MYH11: variants seen among roughly 807,000 people sequenced by gnomAD.
MYH11 encodes myosin heavy chain 11.
Under a neutral mutation model 246.6 loss-of-function variants are expected in MYH11, and 80 were observed. The observed-to-expected ratio is 0.32, with a 90% confidence interval of 0.27 to 0.39. The LOEUF (loss-of-function observed/expected upper bound fraction) is 0.39, where lower values mean the gene tolerates loss of function less well. Ranked by LOEUF, MYH11 falls within the 10% of genes least tolerant of loss-of-function variation. The pLI is 1.00. For missense variants in MYH11, 2,158 were observed against 2,546.8 expected (o/e 0.85, Z 3.29); for synonymous variants, 1,071 against 1,015.5 (o/e 1.05, Z -1.04).
At chr16:15,731,839 G>A (rs1209844000) in intron 27 of MYH11, among the ~76,000 whole-genome samples, 4 of 152,032 alleles carry the variant, frequency 2.6e-5, no homozygotes, top group Admixed American at 6.6e-5. Context: ...GTCCAGGCTA[G>A]AGTGCAGTGG....
At chr16:15,834,520 C>T (rs77248292) in intron 2 of MYH11, among the ~76,000 whole-genome samples, 3,838 of 149,892 alleles carry the variant, frequency 0.026, 166 homozygotes, top group African/African-American at 0.089. Context: ...AAGTGAAATT[C>T]CATCTCAAAA....
At position 15,756,462 on chromosome 16, in the gene MYH11, T is replaced by C. The variant is rs2151272970; in HGVS notation, c.1628A>G (p.Lys543Arg). Residue 543 changes from lysine to arginine, a missense_variant, in exon 14 of 41, where the codon AAA becomes AGA. Physicochemically the swap from Lys to Arg is conservative, Grantham distance 26. Coordinates refer to ENST00000300036, the MANE Select transcript of MYH11 (RefSeq NM_002474.3). ...ALLDEECWFP[K>R]ATDKSFVEKL... The stretch of plus-strand genomic sequence containing the variant: ...CTCCACGAAAGACTTGTCCGTGGCT[T>C]TGGGGAACCAGCATTCCTCGTCCAG... 3 of 1,614,154 alleles carry C rather than the reference T, an allele frequency of 1.9e-6. No homozygotes were observed. Among genetic ancestry groups the C allele is most frequent in the Admixed American group, 1.7e-5 (1 of 60,014 alleles).
intron 28 of MYH11, chr16:15,726,603 G>T (rs535306189): frequency 3.4e-6 from 2 of 583,332 alleles, no homozygotes; most frequent in African/African-American, 3.7e-5. Flanking sequence ...CCTGACCTCA[G>T]GTGATCCACC....
intron 1 of MYH11, among the ~76,000 whole-genome samples, chr16:15,852,579 C>T (rs984780888): frequency 3.4e-4 from 51 of 151,950 alleles, no homozygotes; most frequent in African/African-American, 1.1e-3. Flanking sequence ...CCTCAGGTGA[C>T]CCACCTGCTG....
At chr16:15,852,048 G>C (rs1384641571) in intron 1 of MYH11, among the ~76,000 whole-genome samples, 1 of 152,158 alleles carries the variant, frequency 6.6e-6, no homozygotes, top group Admixed American at 6.5e-5. Flanking sequence ...GGGGACGGTG[G>C]GTGAGTGACC....
intron 8 of MYH11, among the ~76,000 whole-genome samples, chr16:15,772,793 T>C (rs1366421136): frequency 6.6e-6 from 1 of 152,156 alleles, no homozygotes; most frequent in African/African-American, 2.4e-5. Flanking sequence ...CTTGCATCAC[T>C]GTCTGAGCTC....
chr16:15,790,336 AG>A (rs1567177239), intron 4 of MYH11, among the ~76,000 whole-genome samples: 171 of 146,284 alleles, frequency 1.2e-3, no homozygotes, highest in African/African-American at 3.9e-3. Flanking sequence ...ACAAACAGAC[AG>A]ACAAAAAAAA....
intron 4 of MYH11, among the ~76,000 whole-genome samples, chr16:15,796,419 G>A (rs552924944): frequency 2.0e-5 from 3 of 152,240 alleles, no homozygotes; most frequent in African/African-American, 4.8e-5. Context: ...CAAGTGACCC[G>A]TGCATAGCTA....
Position 15,737,766 on chromosome 16 carries a change from C to T in MYH11, c.3122-146G>A, listed in dbSNP as rs1596757190. 3 of 784,530 alleles carry T rather than the reference C, an allele frequency of 3.8e-6. No homozygotes were observed. In the East Asian group the frequency reaches 8.0e-5, roughly 21 times the overall value. 48.6% of individuals were successfully genotyped at this position (784,530 alleles called of 1,614,324 possible). ...ATAGTCACGGTCTGGACCATTATCT[C>T]CCGATGAACAGCACCTTATATTGTC... On this transcript the variant is annotated intron_variant, in intron 24 of 40. Coordinates refer to ENST00000300036, the MANE Select transcript of MYH11 (RefSeq NM_002474.3).
chr16:15,784,828 C>G, intron 5 of MYH11: 1 of 1,186,114 alleles, frequency 8.4e-7, no homozygotes, highest in South Asian at 1.3e-5. Flanking sequence ...CCTGGAGTCT[C>G]CCAGACAGAC....
At chr16:15,854,505 T>C (rs936489685) in intron 1 of MYH11, among the ~76,000 whole-genome samples, 1 of 152,186 alleles carries the variant, frequency 6.6e-6, no homozygotes, top group African/African-American at 2.4e-5. Flanking sequence ...CCAGTTAGAA[T>C]AACAGTATCT....
chr16:15,804,457 G>A (rs1334268832), intron 3 of MYH11, among the ~76,000 whole-genome samples: 1 of 152,168 alleles, frequency 6.6e-6, no homozygotes, highest in East Asian at 1.9e-4. Context: ...GGGAGGTGGA[G>A]TTTGCAGTGA....
intron 4 of MYH11, among the ~76,000 whole-genome samples, chr16:15,792,917 T>C (rs958099113): frequency 1.3e-5 from 2 of 152,126 alleles, no homozygotes; most frequent in Non-Finnish European, 2.9e-5. Flanking sequence ...TTTGTTTTTG[T>C]AGAGAGGGGG....
intron 4 of MYH11, 142 bp from the exon 5 acceptor site, chr16:15,786,874 C>T: frequency 1.2e-6 from 1 of 810,710 alleles, no homozygotes; most frequent in Non-Finnish European, 2.1e-6. Context: ...AGTAACTTGC[C>T]CAAGGCCACA....
chr16:15,713,689 G>A (rs956232295), intron 40 of MYH11: 1 of 152,190 alleles, frequency 6.6e-6, no homozygotes, highest in African/African-American at 2.4e-5. Context: ...GTAGAGATGG[G>A]GTCTTGCTGC....
chr16:15,794,964 T>C (rs2042708908), intron 4 of MYH11, among the ~76,000 whole-genome samples: 2 of 152,096 alleles, frequency 1.3e-5, no homozygotes, highest in Non-Finnish European at 2.9e-5. Flanking sequence ...CAGGAAACCA[T>C]TTCACGAGGG....
At chr16:15,708,743 T>C in intron 40 of MYH11, 1 of 1,556,904 alleles carries the variant, frequency 6.4e-7, no homozygotes, top group Non-Finnish European at 8.7e-7. Flanking sequence ...AGGGGCGCAT[T>C]GGGCAGAAAA....
intron 2 of MYH11, among the ~76,000 whole-genome samples, chr16:15,831,464 G>GGTGTGTGTGT (rs59352444): frequency 0.06 from 8,744 of 145,558 alleles, 519 homozygotes; most frequent in African/African-American, 0.16. Flanking sequence ...TTATGTTTGG[G>GGTGTGTGTGT]GTGTGTGTGT....
At position 15,786,820 on chromosome 16, in the gene MYH11, C is replaced by T. The variant is rs141837518; in HGVS notation, c.531-88G>A. The T allele has an allele frequency of 2.3e-4, 273 of 1,183,830 alleles. 4 individuals are homozygous for T. The East Asian group carries it at 6.0e-3, about 26-fold the overall frequency. 73.3% of individuals were successfully genotyped at this position (1,183,830 alleles called of 1,614,324 possible). ...AGCCAGGCAGGACAATAATGATCAT[C>T]ACCACCATTTCCCAGAGGGTGAAAC... is the stretch of plus-strand genomic sequence containing the variant. On this transcript the variant is annotated intron_variant, in intron 4 of 40. Transcript: ENST00000300036.
Sources: allele counts gnomAD v4.1 joint callset (sites outside exome capture counted in the v4.1 genomes callset), GRCh38; gene constraint gnomAD v4.1.1; transcripts MANE v1.5; gene names NCBI Gene and HGNC (gene_info 2026-07-23, HGNC 2026-07-21).